Variants in DHX37 observed in about 807,000 individuals in gnomAD.
DHX37 encodes probable ATP-dependent RNA helicase DHX37.
A neutral mutation model predicts 134.3 loss-of-function variants in DHX37; 52 were observed. The ratio of observed to expected loss-of-function variants is 0.39; its 90% CI spans 0.31 to 0.49. DHX37 has a LOEUF of 0.49. DHX37 is among the 20% of genes least tolerant of loss of function. DHX37 has a pLI of 0.93. For missense variants in DHX37, 1,344 were observed against 1,580.8 expected (o/e 0.85, Z 2.54); for synonymous variants, 634 against 670.7 (o/e 0.95, Z 0.85).
rs532225888 is a variant in DHX37, at chr12:124,950,024, C to T, written c.3252G>A (p.Leu1084=). 6.4e-5 allele frequency: 103 copies of T among 1,613,184 alleles called. 1 individual carries two copies. In the South Asian group the frequency reaches 1.1e-3, roughly 17 times the overall value. ...TCAGCATGGTGCCGGGGCTGGACAG[C>T]AGACAGCTCCGGTATGAGGCCAGCT... is the stretch of plus-strand genomic sequence containing the variant. The part of the protein sequence containing the change: ...FRKLASYRSC[L]LSSPGTMLKT... Residue 1084 remains leucine, a synonymous_variant, in exon 25 of 27, where the codon CTG becomes CTA. Coordinates refer to ENST00000308736, the MANE Select transcript of DHX37 (RefSeq NM_032656.4).
At position 124,949,888 on chromosome 12, in the gene DHX37, C is replaced by T. The variant is rs4562928; in HGVS notation, c.3290+98G>A. ...GAGCACAGACTTCTGATGTTTTAAG[C>T]CTCCCTGTGTGTGGTGCTTTGTCCT... On this transcript the variant is annotated intron_variant, in intron 25 of 26. Coordinates refer to ENST00000308736, the MANE Select transcript of DHX37 (RefSeq NM_032656.4). This position sits in a 1 kb window ranked among gnomAD's most constrained non-coding sequence, Gnocchi z 4.0. The T allele has an allele frequency of 1.5e-6, 2 of 1,299,098 alleles. No homozygotes were observed. The highest frequency in any genetic ancestry group is 2.6e-5 in the East Asian group (1 of 39,204). 80.5% of individuals were successfully genotyped at this position (1,299,098 alleles called of 1,614,324 possible).
At position 124,988,970 on chromosome 12, in the gene DHX37, G is replaced by A. The variant is rs746936106; in HGVS notation, c.53C>T (p.Pro18Leu). The change falls in exon 1 of 27, where the codon CCC becomes CTC. Residue 18 changes from proline (P) to leucine (L), a missense_variant. By Grantham distance (98) the Pro-to-Leu change is moderately conservative (BLOSUM62 -3). Transcript: ENST00000308736. ...CTCGGGGGGGCCCTTCGAGGGTCCG[G>A]GGCCCGCCTGCTGGCGCCCCTTGAT... is the stretch of plus-strand genomic sequence containing the variant. ...YNIKGRQQAG[P>L]GPSKGPPEPP... is the part of the protein sequence containing the mutation. 1.6e-5 allele frequency: 22 copies of A among 1,355,346 alleles called. No homozygotes were observed. Among genetic ancestry groups the A allele is most frequent in the Middle Eastern group, 4.0e-4 (2 of 5,054 alleles). 84.0% of individuals were successfully genotyped at this position (1,355,346 alleles called of 1,614,324 possible). A position where few individuals can be genotyped will look rare whatever the true frequency, so the allele number is the denominator to read the frequency against.
intron 16 of DHX37, among the ~76,000 whole-genome samples, chr12:124,957,986 A>G (rs1169903095): frequency 6.6e-6 from 1 of 152,182 alleles, no homozygotes; most frequent in Admixed American, 6.5e-5. Flanking sequence ...TCAGGGAAAG[A>G]CGCCGGGCAC....
At chr12:124,953,457 T>C in intron 20 of DHX37, 1 of 181,840 alleles carries the variant, frequency 5.5e-6, no homozygotes, top group African/African-American at 2.3e-5. Flanking sequence ...ATTTCCTTCC[T>C]CTCAAGCTTC....
rs979261960 is a variant in DHX37, at chr12:124,967,053, C to T, written c.1504+70G>A. 7 of 1,578,928 alleles carry T rather than the reference C, an allele frequency of 4.4e-6. No homozygotes were observed. In the African/African-American group the frequency reaches 6.7e-5, roughly 15 times the overall value. ...GAGAAGCTCAGAGGCAGGAGCTGCACCCCAGCCAGGGAGCGCGAGGCCAAG... is the reference window on the plus strand; with the variant it reads ...GAGAAGCTCAGAGGCAGGAGCTGCATCCCAGCCAGGGAGCGCGAGGCCAAG... On this transcript the variant is annotated intron_variant, in intron 11 of 26. Transcript: ENST00000308736.
intron 8 of DHX37, among the ~76,000 whole-genome samples, chr12:124,970,166 G>A (rs1352105770): frequency 6.6e-6 from 1 of 152,082 alleles, no homozygotes; most frequent in Non-Finnish European, 1.5e-5. Context: ...TAGAGACAGG[G>A]TTTCACCATG....
In DHX37 at chr12:124,986,170, CCTT is replaced by C. The variant is rs763156993; in HGVS notation, c.199_201del (p.Lys67del). On this transcript the variant is annotated inframe_deletion, in exon 2 of 27. Transcript: ENST00000308736. ...TCCTTCTTGGTCAGAGGCTTCTTCT[CCTT>C]CTTCGACAGGGGAGGGGCTTTGGTC... 3.1e-6 allele frequency: 5 copies of C among 1,614,082 alleles called. No individual in the cohort carries two copies. The highest frequency in any genetic ancestry group is 1.3e-5 in the African/African-American group (1 of 74,942).
rs1270663393 is a variant in DHX37 at position 124,949,043 on chromosome 12, A to AGGCTCTCCCCGACCAGCCC, written c.3291-881_3291-863dup. 4.0e-5 allele frequency among the ~76,000 whole-genome samples: 6 copies of AGGCTCTCCCCGACCAGCCC among 151,872 alleles called. No homozygotes were observed. Among genetic ancestry groups the AGGCTCTCCCCGACCAGCCC allele is most frequent in the Non-Finnish European group, 8.8e-5 (6 of 67,956 alleles). ...CTGGCTCCTTTGAATCTGCCCAGTG[A>AGGCTCTCCCCGACCAGCCC]GGCTCTCCCCGACCAGCCCAGTCGC... On this transcript the variant is annotated intron_variant, in intron 25 of 26. Transcript: ENST00000308736. The surrounding 1 kb of genome is among the most constrained non-coding windows in gnomAD (Gnocchi z 4.0).
In DHX37 at chr12:124,964,343, G is replaced by C. The variant is rs763315037; in HGVS notation, c.2045+51C>G. The C allele has an allele frequency of 4.4e-6, 7 of 1,603,848 alleles. No individual in the cohort carries two copies. In the African/African-American group the frequency reaches 8.0e-5, roughly 18 times the overall value. On this transcript the variant is annotated intron_variant, in intron 15 of 26. Coordinates refer to ENST00000308736, the MANE Select transcript of DHX37 (RefSeq NM_032656.4). ...AGCATCCTTCCCTTGTTCCTCAGTG[G>C]CTATTGCAAGGCGGCACCAACGTCC... is the stretch of plus-strand genomic sequence containing the variant.
At chr12:124,982,718 C>A in intron 2 of DHX37, 95 bp from the exon 3 acceptor site, 1 of 1,507,720 alleles carries the variant, frequency 6.6e-7, no homozygotes, top group East Asian at 2.4e-5. Context: ...ATCATTAACA[C>A]CTGGAGTCTT....
At chr12:124,959,465 C>T (rs1954182142) in intron 16 of DHX37, among the ~76,000 whole-genome samples, 1 of 151,918 alleles carries the variant, frequency 6.6e-6, no homozygotes, top group Non-Finnish European at 1.5e-5. Flanking sequence ...TCAACTAATC[C>T]ACATGTCTCA....
At chr12:124,982,040 T>G (rs1403657468) in intron 3 of DHX37, among the ~76,000 whole-genome samples, 1 of 151,650 alleles carries the variant, frequency 6.6e-6, no homozygotes, top group Admixed American at 6.6e-5. Context: ...GGAGAATCGC[T>G]TGAACCTGGG....
rs372541666 is a variant in DHX37, at chr12:124,954,277, A to T, written c.2454-66T>A. On this transcript the variant is annotated intron_variant, in intron 18 of 26. Coordinates refer to ENST00000308736, the MANE Select transcript of DHX37 (RefSeq NM_032656.4). Reference sequence around the variant, plus strand: ...CTGCGCTCAGGGCCTCAGCGGGGGGAACTCCTTTATTCATCGGGACAGGCT... The same window carrying T: ...CTGCGCTCAGGGCCTCAGCGGGGGGTACTCCTTTATTCATCGGGACAGGCT... 1.1e-4 allele frequency: 162 copies of T among 1,510,768 alleles called. No individual in the cohort carries two copies. In the South Asian group the frequency reaches 1.1e-3, roughly 10 times the overall value. The allele number at this position is 1,510,768 out of a possible 1,614,324, so 93.6% of individuals were successfully genotyped here. A position where few individuals can be genotyped will look rare whatever the true frequency, so the allele number is the denominator to read the frequency against.
rs996856431 is a variant in DHX37 at position 124,960,208 on chromosome 12, C to T, written c.2157+104G>A. On this transcript the variant is annotated intron_variant, in intron 16 of 26. Transcript: ENST00000308736. ...TGATGCACTGTTGTGTAAGCAGCTG[C>T]CGCAGGCCAGGCACCAGCAGACCCA... is the stretch of plus-strand genomic sequence containing the variant. The T allele has an allele frequency of 1.4e-5, 21 of 1,512,484 alleles. No homozygotes were observed. The African/African-American group carries it at 1.5e-4, about 11-fold the overall frequency. The allele number at this position is 1,512,484 out of a possible 1,614,324, so 93.7% of individuals were successfully genotyped here.
chr12:124,961,578 G>A (rs2135941465), intron 15 of DHX37, among the ~76,000 whole-genome samples: 1 of 152,244 alleles, frequency 6.6e-6, no homozygotes. Flanking sequence ...ACAAGTGCAT[G>A]CCACCATGCC....
intron 13 of DHX37, among the ~76,000 whole-genome samples, chr12:124,965,345 C>G (rs570208349): frequency 6.6e-6 from 1 of 152,352 alleles, no homozygotes; most frequent in South Asian, 2.1e-4. Context: ...CTGGGGTACT[C>G]TCTGCTGCCC....
At chr12:124,982,150 C>T (rs543355219) in intron 3 of DHX37, among the ~76,000 whole-genome samples, 32 of 151,134 alleles carry the variant, frequency 2.1e-4, no homozygotes, top group Non-Finnish European at 4.0e-4. Context: ...AAAAACACGA[C>T]ACAAACCAAA....
intron 16 of DHX37, among the ~76,000 whole-genome samples, chr12:124,958,836 G>A (rs1954159972): frequency 6.6e-6 from 1 of 151,578 alleles, no homozygotes; most frequent in East Asian, 1.9e-4. Flanking sequence ...ATATTGGCCA[G>A]GCTGGTCTCG....
rs1317763100 is a variant in DHX37, at chr12:124,949,564, C to A, written c.3290+422G>T. ...GGAGCTGCCCAGTGTCTCCCCTATC[C>A]CATATTCATGTCCACCCAGAACATC... On this transcript the variant is annotated intron_variant, in intron 25 of 26. Coordinates refer to ENST00000308736, the MANE Select transcript of DHX37 (RefSeq NM_032656.4). This position sits in a 1 kb window ranked among gnomAD's most constrained non-coding sequence, Gnocchi z 4.0. 6.6e-6 allele frequency among the ~76,000 whole-genome samples: 1 copy of A among 152,150 alleles called. No individual in the cohort carries two copies. Among genetic ancestry groups the A allele is most frequent in the Non-Finnish European group, 1.5e-5 (1 of 68,014 alleles).
Sources: allele counts gnomAD v4.1 joint callset (sites outside exome capture counted in the v4.1 genomes callset), GRCh38; gene constraint gnomAD v4.1.1; non-coding constraint Gnocchi (gnomAD v3.1); transcripts MANE v1.5; gene names NCBI Gene and HGNC (gene_info 2026-07-23, HGNC 2026-07-21).